The following LPA variants were observed in gnomAD, a reference collection of about 807,000 sequenced individuals.
LPA encodes the protein apolipoprotein(a).
In LPA, 199 loss-of-function variants were observed where a neutral mutation model predicts 197.9. The observed-to-expected ratio is 1.01, with a 90% CI of 0.90 to 1.13. The LOEUF is 1.13. Among genes scored for constraint, LPA ranks in the 50% most tolerant of loss-of-function variants. The pLI, the probability that LPA is intolerant of heterozygous loss-of-function variation, is 0.00. For synonymous variants in LPA, 715 were observed against 639.5 expected (o/e 1.12, Z -1.78); for missense variants, 1,853 against 1,785.8 (o/e 1.04, Z -0.68).
At chr6:160,536,268 G>A (rs1035882880) in intron 37 of LPA, among the ~76,000 whole-genome samples, 4 of 152,204 alleles carry the variant, frequency 2.6e-5, no homozygotes, top group African/African-American at 9.7e-5. Context: ...GGGCCATCAT[G>A]TGAGCCTGAA....
chr6:160,587,758 T>TGTGTG lies in LPA; in HGVS notation c.3948-1133_3948-1129dup, dbSNP rs1554236090. 2.4e-4 allele frequency among the ~76,000 whole-genome samples: 23 copies of TGTGTG among 96,162 alleles called. 1 individual carries two copies. The highest frequency in any genetic ancestry group is 1.1e-3 in the African/African-American group (22 of 19,946). 63.1% of individuals were successfully genotyped at this position (96,162 alleles called of 152,430 possible). A position where few individuals can be genotyped will look rare whatever the true frequency, so the allele number is the denominator to read the frequency against. ...GATTAATAGGTTCAGTCTTTGTGTG[T>TGTGTG]GTGTGTGTGTGTGTGTGTGTGTGTG... On this transcript the variant is annotated intron_variant, in intron 24 of 38. Transcript: ENST00000316300.
Position 160,589,655 on chromosome 6 carries a change from T to A in LPA, c.3845A>T (p.Tyr1282Phe). ...AACAGTGGTGGAGAATGAGCCTCGATAACTCTGTCCATCACCATGGTAGCA... is the reference window on the plus strand; with the variant it reads ...AACAGTGGTGGAGAATGAGCCTCGAAAACTCTGTCCATCACCATGGTAGCA... ...QDCYHGDGQS[Y>F]RGSFSTTVTG... Residue 1282 changes from tyrosine to phenylalanine, a missense_variant, in exon 24 of 39, where the codon TAT becomes TTT. Coordinates refer to ENST00000316300, the MANE Select transcript of LPA (RefSeq NM_005577.4). 6.2e-7 allele frequency: 1 copy of A among 1,613,978 alleles called. No individual in the cohort carries two copies. Among genetic ancestry groups the A allele is most frequent in the Non-Finnish European group, 8.5e-7 (1 of 1,179,874 alleles).
intron 28 of LPA, among the ~76,000 whole-genome samples, chr6:160,561,587 G>GT (rs1443098362): frequency 6.6e-6 from 1 of 152,168 alleles, no homozygotes; most frequent in East Asian, 1.9e-4. Context: ...ATTGAAAGTA[G>GT]TTTTTTCTAA....
chr6:160,567,968 A>T (rs1376163500), intron 28 of LPA, among the ~76,000 whole-genome samples: 6 of 152,234 alleles, frequency 3.9e-5, no homozygotes, highest in African/African-American at 1.4e-4. Context: ...CCTTGAATAG[A>T]CCAATAACAG....
Position 160,537,911 on chromosome 6 carries a change from T to C in LPA, c.5786A>G (p.Asp1929Gly). Residue 1929 changes from aspartate (D) to glycine (G), a missense_variant, in exon 37 of 39, where the codon GAC (aspartate) becomes GGC (glycine). This residue lies in a region of LPA where 1,737 missense variants were observed against 1,504.4 expected (regional missense o/e 1.15). Transcript: ENST00000316300. ...TTCAGTCCTGGCGGTGACCATGTAG[T>C]CTGGGGATGGCAGACAAGCTGGCAT... ...KVMPACLPSP[D>G]YMVTARTECY... 6.2e-7 allele frequency: 1 copy of C among 1,614,198 alleles called. No individual in the cohort carries two copies. Among genetic ancestry groups the C allele is most frequent in the Non-Finnish European group, 8.5e-7 (1 of 1,180,028 alleles).
At position 160,569,925 on chromosome 6, in the gene LPA, C is replaced by T. The variant is rs187397328; in HGVS notation, c.4631+7211G>A. ...GCCATCAGAGAAATGCAAATCAAAACCACAATGAGATACCATCTCATACCA... is the reference window on the plus strand; with the variant it reads ...GCCATCAGAGAAATGCAAATCAAAATCACAATGAGATACCATCTCATACCA... On this transcript the variant is annotated intron_variant, in intron 28 of 38. Coordinates refer to ENST00000316300, the MANE Select transcript of LPA (RefSeq NM_005577.4). Among the ~76,000 whole-genome samples, 3 of 152,210 alleles carry T rather than the reference C, an allele frequency of 2.0e-5. No homozygotes were observed. The East Asian group carries it at 5.8e-4, about 29-fold the overall frequency.
rs570899684 is a variant in LPA at position 160,634,792 on chromosome 6, C to A, written c.1075+331G>T. ...TTGAAGAAATCCCCAGAAAAGCTTA[C>A]TGCGACAGAAAGAATCACACACCTG... is the stretch of plus-strand genomic sequence containing the variant. On this transcript the variant is annotated intron_variant, in intron 7 of 38. Coordinates refer to ENST00000316300, the MANE Select transcript of LPA (RefSeq NM_005577.4). Among the ~76,000 whole-genome samples the A allele has an allele frequency of 8.4e-4, 127 of 150,644 alleles. 3 individuals carry two copies. The highest frequency in any genetic ancestry group is 1.2e-3 in the Non-Finnish European group (80 of 67,996).
chr6:160,565,426 C>G (rs1305772039), intron 28 of LPA, among the ~76,000 whole-genome samples: 1 of 152,174 alleles, frequency 6.6e-6, no homozygotes, highest in African/African-American at 2.4e-5. Context: ...TGGAGTGGAC[C>G]TCCAGCAAAC....
chr6:160,563,922 A>G (rs1391727489), intron 28 of LPA, among the ~76,000 whole-genome samples: 1 of 147,022 alleles, frequency 6.8e-6, no homozygotes, highest in African/African-American at 2.5e-5. Context: ...CTTGGTAAAT[A>G]TTCCTTCATT....
chr6:160,608,118 T>A (rs750024676), intron 16 of LPA, among the ~76,000 whole-genome samples: 27 of 152,180 alleles, frequency 1.8e-4, no homozygotes, highest in Non-Finnish European at 3.5e-4. Context: ...AGAAATTTGG[T>A]CAAGAAAATA....
intron 36 of LPA, among the ~76,000 whole-genome samples, chr6:160,539,292 T>C (rs1777940472): frequency 6.6e-6 from 1 of 152,252 alleles, no homozygotes; most frequent in African/African-American, 2.4e-5. Context: ...CTGATTGTAC[T>C]GTCACCTAGG....
chr6:160,609,591 C>T (rs891405763), intron 16 of LPA, among the ~76,000 whole-genome samples: 1 of 152,012 alleles, frequency 6.6e-6, no homozygotes, highest in South Asian at 2.1e-4. Context: ...TAACGTTCTT[C>T]ATAATTGAAA....
intron 7 of LPA, among the ~76,000 whole-genome samples, chr6:160,634,819 C>T (rs1385287564): frequency 1.3e-5 from 2 of 150,284 alleles, no homozygotes; most frequent in African/African-American, 5.1e-5. Flanking sequence ...ACACACCTGA[C>T]AGCACGTTAC....
chr6:160,559,637 TATG>T (rs1230421917), intron 28 of LPA, among the ~76,000 whole-genome samples: 3 of 152,210 alleles, frequency 2.0e-5, no homozygotes, highest in Admixed American at 1.3e-4. Flanking sequence ...TCCACCAGCA[TATG>T]ATAAGAGTTT....
chr6:160,647,239 T>C (rs1194695552), intron 2 of LPA, among the ~76,000 whole-genome samples: 2 of 151,966 alleles, frequency 1.3e-5, no homozygotes, highest in Non-Finnish European at 2.9e-5. Flanking sequence ...TCTGAAGAGG[T>C]CGGACAGCTA....
intron 28 of LPA, among the ~76,000 whole-genome samples, chr6:160,574,349 G>T (rs565556245): frequency 6.6e-6 from 1 of 152,200 alleles, no homozygotes; most frequent in South Asian, 2.1e-4. Context: ...GAAAGAAAAG[G>T]GCTTTAGTCC....
chr6:160,582,527 G>C (rs1426509025), intron 26 of LPA, among the ~76,000 whole-genome samples: 1 of 151,678 alleles, frequency 6.6e-6, no homozygotes, highest in Non-Finnish European at 1.5e-5. Context: ...GATTTGTGTT[G>C]TTTCTGATGA....
At chr6:160,546,131 GC>G (rs1778066453) in intron 32 of LPA, among the ~76,000 whole-genome samples, 1 of 152,148 alleles carries the variant, frequency 6.6e-6, no homozygotes, top group Admixed American at 6.5e-5. Flanking sequence ...TTCCTGGATA[GC>G]CCCAGGGGCT....
At chr6:160,647,267 A>G (rs991570492) in intron 2 of LPA, among the ~76,000 whole-genome samples, 2 of 152,206 alleles carry the variant, frequency 1.3e-5, no homozygotes, top group Admixed American at 6.5e-5. Flanking sequence ...GCAAAAAACA[A>G]TGAATTAGGA....
Sources: gnomAD v4.1 joint callset for allele counts (sites outside exome capture counted in the v4.1 genomes callset) on GRCh38, gnomAD v4.1.1 for gene constraint, gnomAD v4.1.1 regional missense constraint, MANE v1.5 for transcripts, NCBI Gene and HGNC (gene_info 2026-07-23, HGNC 2026-07-21) for gene names.